Variants in PCDH15 observed in about 807,000 individuals in gnomAD.
PCDH15 encodes the protein protocadherin-15.
PCDH15 carries 129 observed loss-of-function variants against 178.5 expected under a neutral mutation model. The observed-to-expected ratio is 0.72, with a 90% CI of 0.63 to 0.84. The LOEUF (loss-of-function observed/expected upper bound fraction) is 0.84. Ranked by LOEUF, PCDH15 falls within the 40% of genes least tolerant of loss-of-function variation. The pLI, the probability that PCDH15 is intolerant of heterozygous loss-of-function variation, is 0.00. For missense variants in PCDH15, 2,230 were observed against 2,099.9 expected (o/e 1.06, Z -1.21); for synonymous variants, 800 against 732.0 (o/e 1.09, Z -1.50).
intron 2 of PCDH15, among the ~76,000 whole-genome samples, chr10:55,549,083 A>G (rs1841950745): frequency 6.6e-6 from 1 of 152,114 alleles, no homozygotes; most frequent in African/African-American, 2.4e-5. Flanking sequence ...TTCATTTTAA[A>G]ATATAACCAA....
chr10:54,133,143 G>C (rs2042587540), intron 14 of PCDH15, 136 bp from the exon 15 acceptor site: 3 of 1,060,102 alleles, frequency 2.8e-6, no homozygotes, highest in Admixed American at 4.3e-5. Context: ...CAATCAAAAT[G>C]AAAGGATAGA....
At chr10:54,596,003 G>A (rs904247574) in intron 2 of PCDH15, among the ~76,000 whole-genome samples, 3 of 152,000 alleles carry the variant, frequency 2.0e-5, no homozygotes, top group East Asian at 1.9e-4. Flanking sequence ...TGGTGTCCCC[G>A]AAAGAGATGA....
chr10:53,869,006 C>T (rs2079644405), intron 26 of PCDH15, among the ~76,000 whole-genome samples: 1 of 152,078 alleles, frequency 6.6e-6, no homozygotes, highest in African/African-American at 2.4e-5. Context: ...CAGGGTCTCG[C>T]TATGTTGCCT....
intron 2 of PCDH15, among the ~76,000 whole-genome samples, chr10:55,112,893 G>A (rs921765219): frequency 1.3e-5 from 2 of 152,130 alleles, no homozygotes; most frequent in East Asian, 3.9e-4. Context: ...CCAAACTCAT[G>A]CTGATCTCAT....
At position 54,672,818 on chromosome 10, in the gene PCDH15, A is replaced by C. The variant is rs145618407; in HGVS notation, c.-28-8528T>G. Among the ~76,000 whole-genome samples, 883 of 152,194 alleles carry C rather than the reference A, an allele frequency of 5.8e-3. 4 individuals carry two copies. The highest frequency in any genetic ancestry group is 0.02 in the African/African-American group (842 of 41,540). On this transcript the variant is annotated intron_variant, in intron 1 of 37. Transcript: ENST00000644397. ...ACTTTTCTGTTTCTTATATTGAACAAATTTTGAGCTATAACTCAGTCATAT... is the reference window on the plus strand; with the variant it reads ...ACTTTTCTGTTTCTTATATTGAACACATTTTGAGCTATAACTCAGTCATAT...
At chr10:54,763,285 T>C (rs983521236) in intron 1 of PCDH15, among the ~76,000 whole-genome samples, 1 of 152,144 alleles carries the variant, frequency 6.6e-6, no homozygotes, top group Non-Finnish European at 1.5e-5. Flanking sequence ...ATGTCATATA[T>C]GTGTGCAAAG....
intron 2 of PCDH15, among the ~76,000 whole-genome samples, chr10:55,531,347 AAC>A (rs1841450683): frequency 6.6e-6 from 1 of 151,990 alleles, no homozygotes; most frequent in African/African-American, 2.4e-5. Context: ...TTAGCTAGGC[AAC>A]AGTTTTCTTC....
intron 1 of PCDH15, among the ~76,000 whole-genome samples, chr10:55,185,356 T>C (rs61851062): frequency 0.093 from 14,051 of 151,790 alleles, 697 homozygotes; most frequent in East Asian, 0.12. Context: ...TCTTAAAATG[T>C]TATTGAAACT....
At chr10:54,313,203 C>T (rs986990908) in intron 8 of PCDH15, among the ~76,000 whole-genome samples, 2 of 152,186 alleles carry the variant, frequency 1.3e-5, no homozygotes, top group African/African-American at 4.8e-5. Context: ...ATCTTTCATG[C>T]TCTTTGCCCA....
intron 2 of PCDH15, among the ~76,000 whole-genome samples, chr10:55,462,360 C>T (rs943886767): frequency 6.6e-6 from 1 of 152,074 alleles, no homozygotes; most frequent in African/African-American, 2.4e-5. Flanking sequence ...GTACATTATA[C>T]ACATACAATG....
chr10:54,512,297 A>G lies in PCDH15; in HGVS notation c.157+15515T>C, dbSNP rs377038621. 4.0e-5 allele frequency among the ~76,000 whole-genome samples: 6 copies of G among 151,526 alleles called. No individual in the cohort carries two copies. In the South Asian group the frequency reaches 1.2e-3, roughly 32 times the overall value. On this transcript the variant is annotated intron_variant, in intron 3 of 37. Coordinates refer to ENST00000644397, the MANE Select transcript of PCDH15 (RefSeq NM_001384140.1). ...ATGCAGGTATGGTTTCAGGAAACCT[A>G]TCATAGCTTGAATATTTTAAAACTC...
chr10:55,372,076 G>T (rs1295847620), intron 2 of PCDH15, among the ~76,000 whole-genome samples: 1 of 152,034 alleles, frequency 6.6e-6, no homozygotes, highest in Admixed American at 6.6e-5. Context: ...TCAGCTAATT[G>T]TTTCAATTAA....
chr10:54,153,321 C>T, intron 13 of PCDH15, 28 bp from the exon 14 acceptor site: 1 of 1,612,288 alleles, frequency 6.2e-7, no homozygotes, highest in Non-Finnish European at 8.5e-7. Flanking sequence ...AACATAAATC[C>T]TCTTGGGTCT....
intron 3 of PCDH15, among the ~76,000 whole-genome samples, chr10:54,523,882 G>A (rs184945183): frequency 1.5e-3 from 225 of 152,146 alleles, no homozygotes; most frequent in African/African-American, 4.9e-3. Context: ...AACTGTTTAC[G>A]GCAAAAGGAA....
At position 54,991,027 on chromosome 10, in the gene PCDH15, A is replaced by G. The variant is rs80173183; in HGVS notation, c.-79-93527T>C. Among the ~76,000 whole-genome samples, 59 of 152,242 alleles carry G rather than the reference A, an allele frequency of 3.9e-4. 1 individual carries two copies. The East Asian group carries it at 0.011, about 28-fold the overall frequency. On this transcript the variant is annotated intron_variant, in intron 2 of 5. Coordinates refer to the PCDH15 transcript ENST00000458638. ...ATTTGTAAAATAATAAAGCTCCACA[A>G]TATTTTTGTAAGTTTCTATTTCTTG...
At chr10:54,653,395 G>C (rs1254269471) in intron 2 of PCDH15, among the ~76,000 whole-genome samples, 1 of 152,198 alleles carries the variant, frequency 6.6e-6, no homozygotes, top group Non-Finnish European at 1.5e-5. Context: ...CAGAGCTACA[G>C]AGTTTTGGAG....
At chr10:55,451,721 CTA>C (rs1453784031) in intron 2 of PCDH15, among the ~76,000 whole-genome samples, 5 of 151,990 alleles carry the variant, frequency 3.3e-5, no homozygotes, top group Non-Finnish European at 5.9e-5. Context: ...CGGAGAAAAC[CTA>C]TATTATTTTT....
At chr10:53,958,289 T>A (rs142528111) in intron 23 of PCDH15, among the ~76,000 whole-genome samples, 1 of 152,216 alleles carries the variant, frequency 6.6e-6, no homozygotes, top group Non-Finnish European at 1.5e-5. Flanking sequence ...TGGAATTTAA[T>A]GTAGACTCCC....
At chr10:54,416,253 C>T (rs539424611) in intron 3 of PCDH15, among the ~76,000 whole-genome samples, 7 of 152,068 alleles carry the variant, frequency 4.6e-5, no homozygotes, top group Admixed American at 3.3e-4. Flanking sequence ...CCTATTGACC[C>T]GTCCTTTAAG....
Sources: allele counts gnomAD v4.1 joint callset (sites outside exome capture counted in the v4.1 genomes callset), GRCh38; gene constraint gnomAD v4.1.1; transcripts MANE v1.5; gene names NCBI Gene and HGNC (gene_info 2026-07-23, HGNC 2026-07-21).